The following GKN2 variants were observed in gnomAD, a reference collection of about 807,000 sequenced individuals.
The protein encoded by GKN2 is gastrokine 2.
Under a neutral mutation model 22.7 loss-of-function variants are expected in GKN2, and 17 were observed. The observed-to-expected ratio is 0.75, with a 90% confidence interval of 0.51 to 1.13. The LOEUF is 1.13. GKN2 is among the 50% of genes most tolerant of loss of function. The pLI is 0.00. For missense variants in GKN2, 248 were observed against 221.4 expected (o/e 1.12, Z -0.76); for synonymous variants, 82 against 79.6 (o/e 1.03, Z -0.16).
chr2:68,951,925 G>A (rs774653090), intron 1 of GKN2, among the ~76,000 whole-genome samples: 6 of 152,184 alleles, frequency 3.9e-5, no homozygotes, highest in Non-Finnish European at 1.5e-5. Context: ...TGTGCTTCAG[G>A]GTTAGGTCTC....
At position 68,950,127 on chromosome 2, in the gene GKN2, T is replaced by A. The variant is rs368063448; in HGVS notation, c.203A>T (p.His68Leu). ...TATGAAAATTCATTTGCTGCTTACA[T>A]GTTTATAGTCAAAAATTGTGGTAGA... Reference protein sequence around the residue: ...CSSTTIFDYKHGYIASRVLSR... With the variant: ...CSSTTIFDYKLGYIASRVLSR... The change falls in exon 3 of 6, where the codon CAT becomes CTT. Residue 68 changes from histidine (H) to leucine (L), a missense_variant and splice_region_variant. His to Leu is a moderately conservative substitution (Grantham distance 99, BLOSUM62 -3). Transcript: ENST00000328895. 3.7e-6 allele frequency: 6 copies of A among 1,612,512 alleles called. No individual in the cohort carries two copies. In the African/African-American group the frequency reaches 8.0e-5, roughly 22 times the overall value.
chr2:68,951,442 A>G (rs1669853656), intron 1 of GKN2, among the ~76,000 whole-genome samples: 1 of 152,234 alleles, frequency 6.6e-6, no homozygotes, highest in Non-Finnish European at 1.5e-5. Flanking sequence ...CTGTTCCAAC[A>G]TGCTAACCCA....
Position 68,950,154 on chromosome 2 carries a change from G to A in GKN2, c.176C>T (p.Ser59Phe). The A allele has an allele frequency of 6.2e-7, 1 of 1,613,466 alleles. No individual in the cohort carries two copies. The highest frequency in any genetic ancestry group is 1.1e-5 in the South Asian group (1 of 90,846). Residue 59 changes from serine to phenylalanine, a missense_variant, in exon 3 of 6, where the codon TCT becomes TTT. Ser to Phe is a radical substitution (Grantham distance 155, BLOSUM62 -2). Transcript: ENST00000328895. ...TTTATAGTCAAAAATTGTGGTAGAA[G>A]AGCATGATCCTGCATGGATGTTAAT... ...AIINIHAGSC[S>F]STTIFDYKHG...
In GKN2 at chr2:68,946,602, A is replaced by G. The variant is rs948265516; in HGVS notation, c.316-142T>C. The G allele has an allele frequency of 2.6e-5, 17 of 646,914 alleles. No homozygotes were observed. The Admixed American group carries it at 4.4e-4, about 17-fold the overall frequency. 40.1% of individuals were successfully genotyped at this position (646,914 alleles called of 1,614,324 possible). ...ATCTCAAGACATCATCTCTTTTTGA[A>G]CACTCTATCTGTGAAGTAGCCTCAT... On this transcript the variant is annotated intron_variant, in intron 4 of 5. Coordinates refer to ENST00000328895, the MANE Select transcript of GKN2 (RefSeq NM_182536.3).
chr2:68,948,871 C>T (rs1471664663), intron 3 of GKN2, among the ~76,000 whole-genome samples: 1 of 152,186 alleles, frequency 6.6e-6, no homozygotes, highest in Non-Finnish European at 1.5e-5. Flanking sequence ...AAAGCAAATC[C>T]TCACTTCTCC....
chr2:68,945,279 T>TG lies in GKN2; in HGVS notation c.*88dup. On this transcript the variant is annotated 3_prime_UTR_variant, in exon 6 of 6. Coordinates refer to ENST00000328895, the MANE Select transcript of GKN2 (RefSeq NM_182536.3). ...TTTCTGACTGAATCTCAAAATTAGT[T>TG]GGGGCATTGGGAAAGAATTTAATTT... The TG allele has an allele frequency of 1.1e-6, 1 of 877,824 alleles. No homozygotes were observed. Among genetic ancestry groups the TG allele is most frequent in the Non-Finnish European group, 1.8e-6 (1 of 569,008 alleles). 54.4% of individuals were successfully genotyped at this position (877,824 alleles called of 1,614,324 possible).
At chr2:68,950,826 G>T in intron 1 of GKN2, 71 bp from the exon 2 acceptor site, 1 of 1,468,242 alleles carries the variant, frequency 6.8e-7, no homozygotes, top group Non-Finnish European at 9.5e-7. Context: ...GGAAACACTG[G>T]ACAGGAAAGG....
At chr2:68,950,613 G>T in intron 2 of GKN2, 89 bp downstream of exon 2, 1 of 1,123,596 alleles carries the variant, frequency 8.9e-7, no homozygotes, top group African/African-American at 1.5e-5. Context: ...TAAGGCATAT[G>T]GCCTCTCTAC....
intron 3 of GKN2, among the ~76,000 whole-genome samples, chr2:68,949,718 C>A (rs1669826712): frequency 6.6e-6 from 1 of 152,170 alleles, no homozygotes; most frequent in African/African-American, 2.4e-5. Flanking sequence ...CTGTGCCTGA[C>A]CAATTGTTCT....
At chr2:68,949,585 A>T (rs1669824719) in intron 3 of GKN2, among the ~76,000 whole-genome samples, 1 of 151,794 alleles carries the variant, frequency 6.6e-6, no homozygotes, top group African/African-American at 2.4e-5. Context: ...ACACCCAGCT[A>T]ATTTTTGTAT....
intron 5 of GKN2, chr2:68,945,792 G>C (rs1028191079): frequency 4.0e-4 from 92 of 227,758 alleles, no homozygotes; most frequent in African/African-American, 2.0e-3. Context: ...TAGAAACTTT[G>C]TATAAAAATG....
intron 3 of GKN2, among the ~76,000 whole-genome samples, 181 bp downstream of exon 3, chr2:68,949,945 A>G (rs1443815733): frequency 6.6e-6 from 1 of 152,186 alleles, no homozygotes; most frequent in African/African-American, 2.4e-5. Flanking sequence ...TTTCTTCAAA[A>G]TGGTTTTGTT....
In GKN2 at chr2:68,950,836, G is replaced by A. The variant is rs1669844442; in HGVS notation, c.13-81C>T. 4.2e-6 allele frequency: 6 copies of A among 1,412,358 alleles called. No homozygotes were observed. In the South Asian group the frequency reaches 4.6e-5, roughly 11 times the overall value. 87.5% of individuals were successfully genotyped at this position (1,412,358 alleles called of 1,614,324 possible). Reference sequence around the variant, plus strand: ...CAGGAGGAAACACTGGACAGGAAAGGCACAGATATCTCAGAAAATGTACAC... The same window carrying A: ...CAGGAGGAAACACTGGACAGGAAAGACACAGATATCTCAGAAAATGTACAC... On this transcript the variant is annotated intron_variant, in intron 1 of 5. Coordinates refer to ENST00000328895, the MANE Select transcript of GKN2 (RefSeq NM_182536.3).
Position 68,946,460 on chromosome 2 carries a change from C to G in GKN2, c.316G>C (p.Ala106Pro). The G allele has an allele frequency of 6.3e-7, 1 of 1,593,474 alleles. No individual in the cohort carries two copies. Among genetic ancestry groups the G allele is most frequent in the African/African-American group, 1.4e-5 (1 of 73,958 alleles). The change falls in exon 5 of 6, where the codon GCT (alanine) becomes CCT (proline). Residue 106 changes from alanine to proline, a missense_variant and splice_region_variant. Coordinates refer to ENST00000328895, the MANE Select transcript of GKN2 (RefSeq NM_182536.3). ...NLQWYIYEKQ[A>P]LDNMFSSKYT... is the part of the protein sequence containing the mutation. ...TTGCTGGAGAACATGTTGTCCAGAG[C>G]CTAGATCGGTATAACAGAAAAGAAC...
chr2:68,947,159 G>T lies in GKN2; in HGVS notation c.303C>A (p.Ile101=). 6 of 1,606,072 alleles carry T rather than the reference G, an allele frequency of 3.7e-6. No individual in the cohort carries two copies. The African/African-American group carries it at 4.0e-5, about 11-fold the overall frequency. Residue 101 remains isoleucine, a synonymous_variant, in exon 4 of 6, where the codon ATC becomes ATA. Transcript: ENST00000328895. ...IPPLNNLQWY[I]YEKQALDNMF... ...GCCCCAGAATTACCTGTTTCTCATA[G>T]ATGTACCATTGGAGATTGTTCAGAG... is the stretch of plus-strand genomic sequence containing the variant.
At chr2:68,946,723 G>GA (rs945793991) in intron 4 of GKN2, among the ~76,000 whole-genome samples, 2 of 152,152 alleles carry the variant, frequency 1.3e-5, no homozygotes, top group African/African-American at 4.8e-5. Context: ...GTTGTGGAGG[G>GA]AGACTTAAAC....
chr2:68,952,752 A>G (rs1174564354), intron 1 of GKN2, 98 bp downstream of exon 1: 2 of 1,175,156 alleles, frequency 1.7e-6, no homozygotes, highest in African/African-American at 1.5e-5. Flanking sequence ...CATGCACAGT[A>G]TCTGTCTAAG....
At chr2:68,951,589 G>A (rs981466203) in intron 1 of GKN2, among the ~76,000 whole-genome samples, 3 of 152,294 alleles carry the variant, frequency 2.0e-5, no homozygotes, top group Admixed American at 2.0e-4. Context: ...TTTAAGAACT[G>A]TCAGTGGGAC....
At chr2:68,947,667 T>C (rs960875422) in intron 3 of GKN2, among the ~76,000 whole-genome samples, 18 of 152,146 alleles carry the variant, frequency 1.2e-4, no homozygotes, top group African/African-American at 4.3e-4. Context: ...CTCAGCTCAC[T>C]GAAGCCTCCA....
Sources: allele counts gnomAD v4.1 joint callset (sites outside exome capture counted in the v4.1 genomes callset), GRCh38; gene constraint gnomAD v4.1.1; transcripts MANE v1.5; gene names NCBI Gene and HGNC (gene_info 2026-07-23, HGNC 2026-07-21).